ST18: variants seen among roughly 807,000 people sequenced by gnomAD.
The protein encoded by ST18 is ST18 C2H2C-type zinc finger transcription factor.
In ST18, 50 loss-of-function variants were observed where a neutral mutation model predicts 110.0. The ratio of observed to expected loss-of-function variants is 0.45; its 90% CI spans 0.36 to 0.58. ST18 has a LOEUF of 0.58. Among genes scored for constraint, ST18 ranks in the 20% least tolerant of loss-of-function variants. ST18 has a pLI of 0.00. For synonymous variants in ST18, 461 were observed against 452.4 expected (o/e 1.02, Z -0.24); for missense variants, 1,306 against 1,280.1 (o/e 1.02, Z -0.31).
intron 2 of ST18, among the ~76,000 whole-genome samples, chr8:52,377,272 C>T (rs1832770025): frequency 6.6e-6 from 1 of 152,188 alleles, no homozygotes; most frequent in African/African-American, 2.4e-5. Flanking sequence ...GGACAACTAG[C>T]TTTGTTCTTT....
intron 2 of ST18, among the ~76,000 whole-genome samples, chr8:52,364,250 T>G (rs1040164333): frequency 6.6e-6 from 1 of 152,158 alleles, no homozygotes; most frequent in Non-Finnish European, 1.5e-5. Flanking sequence ...TGCTTTTTTT[T>G]CATCCTCTAG....
At chr8:52,317,274 C>T (rs928948940) in intron 2 of ST18, among the ~76,000 whole-genome samples, 7 of 152,052 alleles carry the variant, frequency 4.6e-5, no homozygotes, top group Non-Finnish European at 7.4e-5. Flanking sequence ...GCCCTAAATC[C>T]AATAATATGT....
chr8:52,400,781 C>T (rs1442698692), intron 2 of ST18, among the ~76,000 whole-genome samples: 4 of 152,108 alleles, frequency 2.6e-5, no homozygotes, highest in African/African-American at 9.7e-5. Flanking sequence ...TATTTCTTAG[C>T]AACTTAATGT....
intron 17 of ST18, among the ~76,000 whole-genome samples, chr8:52,138,593 A>G (rs965132577): frequency 6.6e-6 from 1 of 152,208 alleles, no homozygotes. Flanking sequence ...CTAAAATAAT[A>G]ATAATCATGT....
In ST18 at chr8:52,295,126, C is replaced by T. The variant is rs185340138; in HGVS notation, c.-464-65049G>A. 5.6e-3 allele frequency among the ~76,000 whole-genome samples: 855 copies of T among 152,332 alleles called. 13 individuals carry two copies. The highest frequency in any genetic ancestry group is 0.017 in the Admixed American group (263 of 15,298). ...CAAACCAGTGACATTAAAGCAAAGG[C>T]ATGTCCTAATCGTCACACGTGTAAC... On this transcript the variant is annotated intron_variant, in intron 2 of 25. Coordinates refer to ENST00000689386, the MANE Select transcript of ST18 (RefSeq NM_001352837.2).
At chr8:52,234,597 C>T (rs2092301459) in intron 2 of ST18, among the ~76,000 whole-genome samples, 1 of 151,996 alleles carries the variant, frequency 6.6e-6, no homozygotes, top group African/African-American at 2.4e-5. Context: ...GGGTATCTAC[C>T]CAGAGGAAAA....
chr8:52,373,192 C>T (rs568162425), intron 2 of ST18, among the ~76,000 whole-genome samples: 3 of 152,090 alleles, frequency 2.0e-5, no homozygotes, highest in Admixed American at 1.3e-4. Context: ...TCACACAGCT[C>T]AATCAGCCTG....
At chr8:52,372,725 C>T (rs1176123741) in intron 2 of ST18, among the ~76,000 whole-genome samples, 2 of 152,190 alleles carry the variant, frequency 1.3e-5, no homozygotes, top group East Asian at 3.9e-4. Flanking sequence ...GCAAAACAGC[C>T]TGGGTATGTA....
rs567772906 is a variant in ST18 at position 52,155,888 on chromosome 8, T to C, written c.1806+3010A>G. On this transcript the variant is annotated intron_variant, in intron 15 of 25. Transcript: ENST00000689386. ...GAAGGCAATTTCAAAGTTAGTGTTC[T>C]TTGGCTTGATGTCAAAAAGATTGTG... Among the ~76,000 whole-genome samples the C allele has an allele frequency of 3.9e-5, 6 of 152,284 alleles. No homozygotes were observed. The South Asian group carries it at 1.2e-3, about 32-fold the overall frequency.
At chr8:52,279,683 C>T (rs1323099385) in intron 2 of ST18, among the ~76,000 whole-genome samples, 2 of 152,130 alleles carry the variant, frequency 1.3e-5, no homozygotes, top group African/African-American at 4.8e-5. Flanking sequence ...TAGCTATCTT[C>T]TCCACAACAA....
chr8:52,138,256 A>T (rs1485329932), intron 17 of ST18, among the ~76,000 whole-genome samples: 1 of 152,224 alleles, frequency 6.6e-6, no homozygotes, highest in African/African-American at 2.4e-5. Flanking sequence ...AGAGCAAGGC[A>T]ACCTAGTAAC....
chr8:52,157,774 T>C (rs1047982181), intron 15 of ST18, among the ~76,000 whole-genome samples: 1 of 152,252 alleles, frequency 6.6e-6, no homozygotes, highest in Non-Finnish European at 1.5e-5. Context: ...CTGATTCTTC[T>C]GTCAAATGCT....
chr8:52,362,100 T>A (rs189400566), intron 2 of ST18, among the ~76,000 whole-genome samples: 2 of 152,344 alleles, frequency 1.3e-5, no homozygotes, highest in Admixed American at 6.5e-5. Flanking sequence ...TTTCGTTTCA[T>A]GCTATCTGAG....
At chr8:52,348,085 G>T (rs951404397) in intron 2 of ST18, among the ~76,000 whole-genome samples, 6 of 152,110 alleles carry the variant, frequency 3.9e-5, no homozygotes, top group Admixed American at 3.9e-4. Flanking sequence ...TCACGAACTG[G>T]TTTTCACATT....
In ST18 at chr8:52,391,124, G is replaced by A. The variant is rs146561770; in HGVS notation, c.-465+18204C>T. ...TGCTCTCCATGGCCAGCTGGCCCACGCTGCTTCCTCCCTGTCCTACCAGGT... is the reference window on the plus strand; with the variant it reads ...TGCTCTCCATGGCCAGCTGGCCCACACTGCTTCCTCCCTGTCCTACCAGGT... On this transcript the variant is annotated intron_variant, in intron 2 of 25. Transcript: ENST00000689386. Among the ~76,000 whole-genome samples the A allele has an allele frequency of 3.5e-3, 537 of 152,230 alleles. 9 individuals carry two copies. The highest frequency in any genetic ancestry group is 0.021 in the East Asian group (110 of 5,176).
At chr8:52,342,586 G>GC (rs764116120) in intron 2 of ST18, among the ~76,000 whole-genome samples, 2 of 152,284 alleles carry the variant, frequency 1.3e-5, no homozygotes, top group South Asian at 4.1e-4. Context: ...AGCCAGCTGG[G>GC]CAGCACATAT....
intron 2 of ST18, among the ~76,000 whole-genome samples, chr8:52,260,086 A>T (rs911869106): frequency 6.6e-6 from 1 of 152,242 alleles, no homozygotes; most frequent in Non-Finnish European, 1.5e-5. Flanking sequence ...GATTCGCTCC[A>T]TCAGGAGAAT....
chr8:52,176,248 C>T (rs1177834619), intron 9 of ST18, among the ~76,000 whole-genome samples: 1 of 152,142 alleles, frequency 6.6e-6, no homozygotes, highest in Non-Finnish European at 1.5e-5. Flanking sequence ...TGGTCTCGAA[C>T]TCCTGACCTC....
chr8:52,396,373 C>A (rs1198646705), intron 2 of ST18, among the ~76,000 whole-genome samples: 1 of 151,938 alleles, frequency 6.6e-6, no homozygotes, highest in Non-Finnish European at 1.5e-5. Context: ...AAATATTTTT[C>A]TTTCTGTGTC....
Sources: allele counts gnomAD v4.1 joint callset (sites outside exome capture counted in the v4.1 genomes callset), GRCh38; gene constraint gnomAD v4.1.1; transcripts MANE v1.5; gene names NCBI Gene and HGNC (gene_info 2026-07-23, HGNC 2026-07-21).